Variants in ZNF124 observed in about 807,000 individuals in gnomAD.
ZNF124 encodes the protein zinc finger protein HZF-16.
In ZNF124, 25 loss-of-function variants were observed where a neutral mutation model predicts 26.6. That is an observed-to-expected ratio of 0.94 (90% CI 0.68 to 1.31). The LOEUF (loss-of-function observed/expected upper bound fraction) is 1.31. Among genes scored for constraint, ZNF124 ranks in the 40% most tolerant of loss-of-function variants. The probability of loss-of-function intolerance (pLI) is 0.00; values close to 1 mark genes in which losing one functional copy is unlikely to be tolerated. For missense variants in ZNF124, 444 were observed against 422.2 expected (o/e 1.05, Z -0.45); for synonymous variants, 129 against 133.3 (o/e 0.97, Z 0.22).
chr1:247,141,741 C>A (rs1672634270), intron 3 of ZNF124, among the ~76,000 whole-genome samples: 1 of 152,134 alleles, frequency 6.6e-6, no homozygotes. Context: ...ACCTGTGATG[C>A]CTGCCATAGT....
rs887145547 is a variant in ZNF124, at chr1:247,130,159, A to G, written c.219-6288T>C. ...TGATTGAAAAATACATTTTATCAGT[A>G]CAGCTTGAGAGATAATATTTTCAAA... On this transcript the variant is annotated intron_variant, in intron 3 of 3. Coordinates refer to the ZNF124 transcript ENST00000472531. 2.0e-5 allele frequency among the ~76,000 whole-genome samples: 3 copies of G among 152,220 alleles called. No individual in the cohort carries two copies. In the South Asian group the frequency reaches 6.2e-4, roughly 32 times the overall value.
At chr1:247,159,547 A>G in intron 2 of ZNF124, 140 bp downstream of exon 2, 1 of 775,956 alleles carries the variant, frequency 1.3e-6, no homozygotes, top group Non-Finnish European at 2.0e-6. Context: ...CTAAGAAACA[A>G]GAGTCATTGC....
At chr1:247,157,950 TAA>T (rs59505413) in intron 3 of ZNF124, among the ~76,000 whole-genome samples, 281 of 141,146 alleles carry the variant, frequency 2.0e-3, no homozygotes, top group Non-Finnish European at 3.1e-3. Flanking sequence ...ATCCGATTGT[TAA>T]AAAAAAAAAA....
In ZNF124 at chr1:247,157,357, A is replaced by T; in HGVS notation, c.265T>A (p.Cys89Ser). 1 of 1,555,344 alleles carries T rather than the reference A, an allele frequency of 6.4e-7. No individual in the cohort carries two copies. Among genetic ancestry groups the T allele is most frequent in the Non-Finnish European group, 8.7e-7 (1 of 1,148,520 alleles). ...TTACATGTACATGGCTTCTTTCCGC[A>T]TTCCTCACACCCATATGGGTTGTTT... ...SGNNPYGCEE[C>S]GKKPCTCKQC... Residue 89 changes from cysteine (C) to serine (S), a missense_variant, in exon 4 of 4, where the codon TGC (cysteine) becomes AGC (serine). By Grantham distance (112) the Cys-to-Ser change is moderately radical (BLOSUM62 -1). Coordinates refer to ENST00000543802, the MANE Select transcript of ZNF124 (RefSeq NM_001297568.2).
At chr1:247,139,484 T>G (rs565663615) in intron 3 of ZNF124, among the ~76,000 whole-genome samples, 9 of 152,366 alleles carry the variant, frequency 5.9e-5, no homozygotes, top group Non-Finnish European at 1.2e-4. Context: ...GCAGGGCATT[T>G]AGCCTGTTTA....
chr1:247,126,101 A>C (rs1672215224), intron 3 of ZNF124, among the ~76,000 whole-genome samples: 1 of 152,212 alleles, frequency 6.6e-6, no homozygotes, highest in Non-Finnish European at 1.5e-5. Flanking sequence ...TCTCTACTAA[A>C]GATACAAAAA....
At chr1:247,134,356 A>C (rs970104667) in intron 3 of ZNF124, among the ~76,000 whole-genome samples, 3 of 152,178 alleles carry the variant, frequency 2.0e-5, no homozygotes, top group African/African-American at 7.2e-5. Context: ...TATTCAGGAG[A>C]CCTATCTTAT....
At chr1:247,143,590 T>G (rs1211332213) in intron 3 of ZNF124, among the ~76,000 whole-genome samples, 1 of 152,188 alleles carries the variant, frequency 6.6e-6, no homozygotes, top group Non-Finnish European at 1.5e-5. Context: ...TTCCACCAGC[T>G]TCTCTAGAAG....
At chr1:247,125,337 C>G (rs1483160819) in intron 3 of ZNF124, among the ~76,000 whole-genome samples, 2 of 149,264 alleles carry the variant, frequency 1.3e-5, no homozygotes, top group Non-Finnish European at 3.0e-5. Context: ...GGTTGCCAGA[C>G]TGTTTTCCAG....
At chr1:247,172,374 C>T (rs959562142), upstream of ZNF124, among the ~76,000 whole-genome samples, 1 of 152,028 alleles carries the variant, frequency 6.6e-6, no homozygotes, top group Non-Finnish European at 1.5e-5. Context: ...GGCCTCTGGT[C>T]TTCTGAGGAA....
chr1:247,163,374 T>C (rs761780043), intron 1 of ZNF124, among the ~76,000 whole-genome samples: 24 of 122,608 alleles, frequency 2.0e-4, no homozygotes, highest in Non-Finnish European at 3.2e-4. Context: ...TGAAATAAGA[T>C]AGATTGCTAG....
chr1:247,125,201 C>G (rs1277917853), intron 3 of ZNF124, among the ~76,000 whole-genome samples: 1 of 152,138 alleles, frequency 6.6e-6, no homozygotes, highest in Non-Finnish European at 1.5e-5. Context: ...TTGGCTGTTA[C>G]GAATGCTGCT....
chr1:247,139,890 T>C (rs1482288845), intron 3 of ZNF124, among the ~76,000 whole-genome samples: 1 of 152,238 alleles, frequency 6.6e-6, no homozygotes, highest in East Asian at 1.9e-4. Context: ...GTGACCTTTG[T>C]AGGTGACCTG....
chr1:247,133,620 T>C (rs925079976), intron 3 of ZNF124, among the ~76,000 whole-genome samples: 8 of 150,998 alleles, frequency 5.3e-5, no homozygotes, highest in Admixed American at 4.0e-4. Context: ...CCAGAAGAGA[T>C]AGGGAGCCAA....
At chr1:247,124,647 A>C (rs944702444) in intron 3 of ZNF124, among the ~76,000 whole-genome samples, 1 of 152,016 alleles carries the variant, frequency 6.6e-6, no homozygotes, top group Non-Finnish European at 1.5e-5. Context: ...CTAATCTACT[A>C]ATCTACTTTC....
intron 3 of ZNF124, among the ~76,000 whole-genome samples, chr1:247,141,183 G>A (rs183138178): frequency 7.2e-5 from 11 of 152,304 alleles, no homozygotes; most frequent in Non-Finnish European, 1.2e-4. Context: ...GGTGGAACCT[G>A]TGGGAGATGA....
chr1:247,167,759 T>G (rs972283293), intron 1 of ZNF124, among the ~76,000 whole-genome samples: 2 of 151,958 alleles, frequency 1.3e-5, no homozygotes, highest in African/African-American at 4.8e-5. Flanking sequence ...ACAAAAGAAA[T>G]AATCAGCAGA....
chr1:247,151,956 T>TA (rs890588020), downstream of ZNF124, among the ~76,000 whole-genome samples: 3 of 152,008 alleles, frequency 2.0e-5, no homozygotes, highest in African/African-American at 7.2e-5. Context: ...CCTATGCTGT[T>TA]AGAGATCAAT....
chr1:247,130,518 C>T (rs1355307238), intron 3 of ZNF124, among the ~76,000 whole-genome samples: 1 of 152,180 alleles, frequency 6.6e-6, no homozygotes, highest in South Asian at 2.1e-4. Flanking sequence ...TTTCCTGTTA[C>T]CTGGATGTCC....
Sources: gnomAD v4.1 joint callset for allele counts (sites outside exome capture counted in the v4.1 genomes callset) on GRCh38, gnomAD v4.1.1 for gene constraint, MANE v1.5 for transcripts, NCBI Gene and HGNC (gene_info 2026-07-23, HGNC 2026-07-21) for gene names.